Variants in SLC22A24 observed in about 807,000 individuals in gnomAD.
The protein encoded by SLC22A24 is steroid transmembrane transporter SLC22A24.
Under a neutral mutation model 49.8 loss-of-function variants are expected in SLC22A24, and 53 were observed. The ratio of observed to expected loss-of-function variants is 1.06; its 90% CI spans 0.85 to 1.34. SLC22A24 has a LOEUF of 1.34. Among genes scored for constraint, SLC22A24 ranks in the 40% most tolerant of loss-of-function variants. SLC22A24 has a pLI of 0.00. For synonymous variants in SLC22A24, 302 were observed against 256.4 expected (o/e 1.18, Z -1.70); for missense variants, 786 against 675.9 (o/e 1.16, Z -1.81).
At chr11:63,121,688 G>T (rs1443586426) in intron 2 of SLC22A24, among the ~76,000 whole-genome samples, 1 of 151,676 alleles carries the variant, frequency 6.6e-6, no homozygotes, top group Admixed American at 6.6e-5. Flanking sequence ...TGCACAATGT[G>T]CAGGTTAGTT....
At chr11:63,081,727 A>C in intron 7 of SLC22A24, 61 bp from the exon 8 acceptor site, 1 of 1,113,188 alleles carries the variant, frequency 9.0e-7, no homozygotes, top group Non-Finnish European at 1.3e-6. Context: ...CCCCCAAATA[A>C]TTGTAAAAAG....
chr11:63,129,742 G>A (rs2134676783), intron 2 of SLC22A24, among the ~76,000 whole-genome samples: 1 of 152,162 alleles, frequency 6.6e-6, no homozygotes, highest in East Asian at 1.9e-4. Context: ...TGTAGTAACT[G>A]TGGATGGGAG....
chr11:63,090,196 C>T (rs553524261), intron 6 of SLC22A24, among the ~76,000 whole-genome samples: 16 of 151,382 alleles, frequency 1.1e-4, no homozygotes, highest in East Asian at 5.8e-4. Flanking sequence ...TGGAGGAATA[C>T]CCAGATTCAT....
At chr11:63,105,089 T>C (rs747627179) in intron 4 of SLC22A24, among the ~76,000 whole-genome samples, 1 of 152,260 alleles carries the variant, frequency 6.6e-6, no homozygotes, top group Non-Finnish European at 1.5e-5. Flanking sequence ...CTCCAAATGA[T>C]GTTCCTTGAT....
At chr11:63,141,171 ATAGAGATATAAAATTT>A (rs1216708249) in intron 1 of SLC22A24, among the ~76,000 whole-genome samples, 1 of 152,228 alleles carries the variant, frequency 6.6e-6, no homozygotes, top group Non-Finnish European at 1.5e-5. Context: ...TTAAAACTGG[ATAGAGATATAAAATTT>A]TATTTTAAAA....
chr11:63,111,427 C>A (rs1309344108), intron 4 of SLC22A24, among the ~76,000 whole-genome samples: 1 of 151,810 alleles, frequency 6.6e-6, no homozygotes, highest in Non-Finnish European at 1.5e-5. Context: ...AGGAAAGGTA[C>A]CAGTTCCTCC....
chr11:63,137,461 C>A (rs1177328691), intron 1 of SLC22A24, among the ~76,000 whole-genome samples: 1 of 152,156 alleles, frequency 6.6e-6, no homozygotes, highest in East Asian at 1.9e-4. Flanking sequence ...ACAGGCCTGT[C>A]TCTCATGGTA....
chr11:63,103,497 C>G (rs2087103087), intron 5 of SLC22A24, among the ~76,000 whole-genome samples: 1 of 151,872 alleles, frequency 6.6e-6, no homozygotes. Context: ...CTAACAATAC[C>G]CTGGTACACC....
chr11:63,080,095 G>T, intron 9 of SLC22A24, 95 bp from the exon 10 acceptor site: 1 of 743,024 alleles, frequency 1.3e-6, no homozygotes, highest in Non-Finnish European at 2.2e-6. Flanking sequence ...CTGAGGACAA[G>T]CTGCCCTCTA....
intron 5 of SLC22A24, among the ~76,000 whole-genome samples, chr11:63,098,638 A>G (rs1370103505): frequency 6.6e-6 from 1 of 152,028 alleles, no homozygotes; most frequent in Non-Finnish European, 1.5e-5. Flanking sequence ...CCTCCAGCCT[A>G]GGTGACAGAG....
chr11:63,085,012 G>T (rs1306634942), intron 6 of SLC22A24, among the ~76,000 whole-genome samples: 1 of 151,852 alleles, frequency 6.6e-6, no homozygotes, highest in Non-Finnish European at 1.5e-5. Context: ...CAGGGATAGG[G>T]AAAGAACCAC....
intron 4 of SLC22A24, among the ~76,000 whole-genome samples, chr11:63,115,058 G>A (rs866189635): frequency 4.8e-4 from 73 of 152,328 alleles, no homozygotes; most frequent in African/African-American, 1.5e-3. Flanking sequence ...CATTCTCAGA[G>A]CTCATACACT....
chr11:63,093,818 C>A (rs753764320), intron 6 of SLC22A24, among the ~76,000 whole-genome samples: 5 of 151,956 alleles, frequency 3.3e-5, no homozygotes, highest in Non-Finnish European at 7.4e-5. Flanking sequence ...ATATTACAAA[C>A]CTGCACATGT....
intron 6 of SLC22A24, among the ~76,000 whole-genome samples, chr11:63,095,241 T>G (rs1214949977): frequency 6.6e-6 from 1 of 152,002 alleles, no homozygotes; most frequent in African/African-American, 2.4e-5. Context: ...TTTGGAATAT[T>G]GATTGATAGT....
rs56708217 is a variant in SLC22A24, at chr11:63,099,371, A to ATTTTTTTTTTTTTTTT, written c.955-3281_955-3266dup. Among the ~76,000 whole-genome samples the ATTTTTTTTTTTTTTTT allele has an allele frequency of 2.6e-3, 137 of 52,334 alleles. 13 individuals are homozygous for ATTTTTTTTTTTTTTTT. The highest frequency in any genetic ancestry group is 6.5e-3 in the Admixed American group (17 of 2,600). The allele number at this position is 52,334 out of a possible 152,430, so 34.3% of individuals were successfully genotyped here. The stretch of plus-strand genomic sequence containing the variant: ...CCACCACACCTGGCTAATTTTTAAG[A>ATTTTTTTTTTTTTTTT]TTTTTTTTTTTTTTTTTTTTTTTTT... On this transcript the variant is annotated intron_variant, in intron 5 of 9. Coordinates refer to ENST00000612278, the MANE Select transcript of SLC22A24 (RefSeq NM_001136506.2).
intron 1 of SLC22A24, among the ~76,000 whole-genome samples, chr11:63,137,189 T>C (rs1199162953): frequency 6.6e-6 from 1 of 152,184 alleles, no homozygotes; most frequent in Non-Finnish European, 1.5e-5. Flanking sequence ...GGAAGAGTCC[T>C]GGTTTGGGAG....
chr11:63,136,660 G>A (rs189629050), intron 1 of SLC22A24, among the ~76,000 whole-genome samples: 13 of 152,324 alleles, frequency 8.5e-5, no homozygotes, highest in African/African-American at 3.1e-4. Flanking sequence ...CTGTCTTGAT[G>A]AATATGCTCT....
chr11:63,081,685 A>G lies in SLC22A24; in HGVS notation c.1286-19T>C, dbSNP rs2086961258. ...TGCATTTCTAGAGAGAACAGTGAGA[A>G]TCAGGAAATCTTGCCTGAAGAAACT... On this transcript the variant is annotated intron_variant, in intron 7 of 9. Coordinates refer to ENST00000612278, the MANE Select transcript of SLC22A24 (RefSeq NM_001136506.2). 1.3e-6 allele frequency: 2 copies of G among 1,508,852 alleles called. No homozygotes were observed. Among genetic ancestry groups the G allele is most frequent in the African/African-American group, 1.4e-5 (1 of 72,314 alleles). The allele number at this position is 1,508,852 out of a possible 1,614,324, so 93.5% of individuals were successfully genotyped here.
intron 4 of SLC22A24, among the ~76,000 whole-genome samples, chr11:63,105,935 TTTA>T (rs1475546058): frequency 2.0e-5 from 3 of 152,150 alleles, no homozygotes; most frequent in Non-Finnish European, 4.4e-5. Context: ...TCTTTTAAAT[TTTA>T]TTATTATTAT....
Sources: gnomAD v4.1 joint callset for allele counts (sites outside exome capture counted in the v4.1 genomes callset) on GRCh38, gnomAD v4.1.1 for gene constraint, MANE v1.5 for transcripts, NCBI Gene and HGNC (gene_info 2026-07-23, HGNC 2026-07-21) for gene names.